The following ARHGAP12 variants were observed in gnomAD, a reference collection of about 807,000 sequenced individuals.
ARHGAP12 encodes rho GTPase-activating protein 12.
Under a neutral mutation model 108.6 loss-of-function variants are expected in ARHGAP12, and 64 were observed. That is an observed-to-expected ratio of 0.59 (90% CI 0.48 to 0.73). The LOEUF (loss-of-function observed/expected upper bound fraction) is 0.73, where lower values mean the gene tolerates loss of function less well. Among genes scored for constraint, ARHGAP12 ranks in the 30% least tolerant of loss-of-function variants. The probability of loss-of-function intolerance (pLI) is 0.00; values close to 1 mark genes in which losing one functional copy is unlikely to be tolerated. For synonymous variants in ARHGAP12, 312 were observed against 337.2 expected (o/e 0.93, Z 0.82); for missense variants, 940 against 1,005.9 (o/e 0.93, Z 0.89).
At chr10:31,855,686 T>A (rs117314040) in intron 4 of ARHGAP12, among the ~76,000 whole-genome samples, 2 of 152,190 alleles carry the variant, frequency 1.3e-5, no homozygotes, top group Non-Finnish European at 2.9e-5. Context: ...GTAAAACTTT[T>A]AGAAACAGAA....
chr10:31,818,332 T>G (rs1835284642), intron 12 of ARHGAP12, among the ~76,000 whole-genome samples: 1 of 152,178 alleles, frequency 6.6e-6, no homozygotes, highest in South Asian at 2.1e-4. Flanking sequence ...CATAAAGACT[T>G]TCAATATTTC....
intron 9 of ARHGAP12, among the ~76,000 whole-genome samples, chr10:31,832,386 C>T (rs891948254): frequency 6.6e-6 from 1 of 152,156 alleles, no homozygotes; most frequent in African/African-American, 2.4e-5. Context: ...CCTCTCTAGA[C>T]AAACTAGATT....
intron 3 of ARHGAP12, among the ~76,000 whole-genome samples, chr10:31,865,601 C>A (rs777946785): frequency 4.6e-5 from 7 of 151,920 alleles, no homozygotes; most frequent in Admixed American, 2.0e-4. Flanking sequence ...GCTGGCCAGG[C>A]GCGGCGACTC....
chr10:31,825,601 GA>G (rs1835574489), intron 11 of ARHGAP12, among the ~76,000 whole-genome samples: 1 of 152,082 alleles, frequency 6.6e-6, no homozygotes, highest in Admixed American at 6.5e-5. Context: ...TCTCATCTAT[GA>G]CGGGGGAAGG....
chr10:31,846,320 TATTC>T (rs1303168680), intron 6 of ARHGAP12, among the ~76,000 whole-genome samples: 1 of 152,234 alleles, frequency 6.6e-6, no homozygotes, highest in Admixed American at 6.5e-5. Flanking sequence ...TGTTGTTCTT[TATTC>T]ATTCCTGATA....
chr10:31,892,131 A>G lies in ARHGAP12; in HGVS notation c.684+16041T>C, dbSNP rs562185734. On this transcript the variant is annotated intron_variant, in intron 3 of 19. Coordinates refer to ENST00000344936, the MANE Select transcript of ARHGAP12 (RefSeq NM_018287.7). ...GGAAGCACTAAACATGGAAAGGAAC[A>G]ACTGGTACCAGACACTGCAAAAACA... Among the ~76,000 whole-genome samples the G allele has an allele frequency of 2.0e-5, 3 of 152,342 alleles. No individual in the cohort carries two copies. In the South Asian group the frequency reaches 6.2e-4, roughly 32 times the overall value.
At chr10:31,849,960 G>T (rs1836611410) in intron 6 of ARHGAP12, among the ~76,000 whole-genome samples, 1 of 152,152 alleles carries the variant, frequency 6.6e-6, no homozygotes, top group South Asian at 2.1e-4. Context: ...AAGAAACCCA[G>T]TAGGAGTATT....
chr10:31,806,825 A>T lies in ARHGAP12; in HGVS notation c.*833T>A, dbSNP rs542980223. 2 of 152,732 alleles carry T rather than the reference A, an allele frequency of 1.3e-5. No individual in the cohort carries two copies. The highest frequency in any genetic ancestry group is 3.9e-4 in the East Asian group (2 of 5,190). 9.5% of individuals were successfully genotyped at this position (152,732 alleles called of 1,614,324 possible). Reference sequence around the variant, plus strand: ...GGGTTAGAATGTACTCTGAGACTATACAACACAATTATATACACAAGCTAA... The same window carrying T: ...GGGTTAGAATGTACTCTGAGACTATTCAACACAATTATATACACAAGCTAA... On this transcript the variant is annotated 3_prime_UTR_variant, in exon 20 of 20. Coordinates refer to ENST00000344936, the MANE Select transcript of ARHGAP12 (RefSeq NM_018287.7).
At chr10:31,883,372 CAACT>C (rs1174207814) in intron 3 of ARHGAP12, among the ~76,000 whole-genome samples, 4 of 152,234 alleles carry the variant, frequency 2.6e-5, no homozygotes, top group Admixed American at 6.5e-5. Flanking sequence ...AATTTTAGTT[CAACT>C]AACTAAATAG....
rs559665901 is a variant in ARHGAP12, at chr10:31,864,231, C to T, written c.685-2573G>A. 1.5e-4 allele frequency among the ~76,000 whole-genome samples: 23 copies of T among 152,140 alleles called. No individual in the cohort carries two copies. The South Asian group carries it at 4.8e-3, about 32-fold the overall frequency. ...CTACTAAAAGAGTTTCATGAATTGG[C>T]CAGATTTTTGATTATCTAGTCAGTT... is the stretch of plus-strand genomic sequence containing the variant. On this transcript the variant is annotated intron_variant, in intron 3 of 19. Transcript: ENST00000344936.
intron 4 of ARHGAP12, among the ~76,000 whole-genome samples, chr10:31,857,387 A>C (rs926720090): frequency 3.9e-5 from 6 of 152,252 alleles, no homozygotes; most frequent in Non-Finnish European, 5.9e-5. Flanking sequence ...CAAAGGGAAA[A>C]ATACCAAATA....
rs1834813771 is a variant in ARHGAP12 at position 31,806,048 on chromosome 10, T to C, written c.*1610A>G. Reference sequence around the variant, plus strand: ...CCCAAGGAAGGCAATCTGTAAATTATAAATGCAACCCTAAGAAAAAAAAAT... The same window carrying C: ...CCCAAGGAAGGCAATCTGTAAATTACAAATGCAACCCTAAGAAAAAAAAAT... On this transcript the variant is annotated 3_prime_UTR_variant, in exon 20 of 20. Coordinates refer to ENST00000344936, the MANE Select transcript of ARHGAP12 (RefSeq NM_018287.7). The C allele has an allele frequency of 6.6e-6, 1 of 151,182 alleles. No homozygotes were observed. Among genetic ancestry groups the C allele is most frequent in the African/African-American group, 2.5e-5 (1 of 40,552 alleles). 9.4% of individuals were successfully genotyped at this position (151,182 alleles called of 1,614,324 possible).
At chr10:31,902,749 A>G (rs1048367376) in intron 3 of ARHGAP12, among the ~76,000 whole-genome samples, 1 of 152,166 alleles carries the variant, frequency 6.6e-6, no homozygotes, top group African/African-American at 2.4e-5. Flanking sequence ...AAAAAAATAA[A>G]GCATTCAGGA....
At chr10:31,862,705 GACACAC>G (rs559731195) in intron 3 of ARHGAP12, among the ~76,000 whole-genome samples, 14,511 of 133,000 alleles carry the variant, frequency 0.11, 780 homozygotes, top group Non-Finnish European at 0.13. Flanking sequence ...TGCACACACA[GACACAC>G]ACACACACAC....
Position 31,897,708 on chromosome 10 carries a change from C to T in ARHGAP12, c.684+10464G>A, listed in dbSNP as rs138360250. 2.2e-3 allele frequency among the ~76,000 whole-genome samples: 328 copies of T among 152,218 alleles called. 8 individuals are homozygous for T. The East Asian group carries it at 0.05, about 23-fold the overall frequency. ...CTATCACCTGATATATGGTGTCTGG[C>T]TTTCAACCAAAAATTGCAAGGCATG... On this transcript the variant is annotated intron_variant, in intron 3 of 19. Transcript: ENST00000344936.
At chr10:31,921,763 C>CAAAAA (rs57420280) in intron 1 of ARHGAP12, among the ~76,000 whole-genome samples, 8 of 37,930 alleles carry the variant, frequency 2.1e-4, no homozygotes, top group African/African-American at 5.1e-4. Flanking sequence ...GGCTCCATCT[C>CAAAAA]AAAAAAAAAA....
rs1169296010 is a variant in ARHGAP12, at chr10:31,807,533, C to CA, written c.*124_*125insT. ...CTCGACTCTCCCCTTCCCTTCTGAT[C>CA]CCTCAAAAAAAAAGTGCAAAATCAA... On this transcript the variant is annotated 3_prime_UTR_variant, in exon 20 of 20. Coordinates refer to ENST00000344936, the MANE Select transcript of ARHGAP12 (RefSeq NM_018287.7). 3.5e-6 allele frequency: 3 copies of CA among 848,306 alleles called. No homozygotes were observed. Among genetic ancestry groups the CA allele is most frequent in the Admixed American group, 7.1e-5 (2 of 28,284 alleles). 52.5% of individuals were successfully genotyped at this position (848,306 alleles called of 1,614,324 possible). A position where few individuals can be genotyped will look rare whatever the true frequency, so the allele number is the denominator to read the frequency against.
chr10:31,813,099 A>G (rs1445266245), intron 14 of ARHGAP12, among the ~76,000 whole-genome samples: 2 of 152,164 alleles, frequency 1.3e-5, no homozygotes, highest in South Asian at 2.1e-4. Context: ...AGACATCCCT[A>G]ATTTACTCTA....
chr10:31,856,254 A>G (rs1411102841), intron 4 of ARHGAP12, among the ~76,000 whole-genome samples: 1 of 152,098 alleles, frequency 6.6e-6, no homozygotes, highest in Non-Finnish European at 1.5e-5. Flanking sequence ...AACAAGAATC[A>G]AGACAGTCAA....
Sources: gnomAD v4.1 joint callset for allele counts (sites outside exome capture counted in the v4.1 genomes callset) on GRCh38, gnomAD v4.1.1 for gene constraint, MANE v1.5 for transcripts, NCBI Gene and HGNC (gene_info 2026-07-23, HGNC 2026-07-21) for gene names.